SPMAP2L: variants seen among roughly 807,000 people sequenced by gnomAD.
SPMAP2L encodes the protein sperm microtubule associated protein 2 like.
chr4:56,572,273 T>G, the SPMAP2L span, among the ~76,000 whole-genome samples: 2 of 152,160 alleles, frequency 1.3e-5, no homozygotes, highest in African/African-American at 4.8e-5. Flanking sequence ...AACATATGAG[T>G]AATGCAGTGT....
At chr4:56,573,414 T>C in the SPMAP2L span, among the ~76,000 whole-genome samples, 1 of 152,282 alleles carries the variant, frequency 6.6e-6, no homozygotes, top group South Asian at 2.1e-4. Context: ...GAATGTTGAG[T>C]AGCAGTTGTC....
the SPMAP2L span, among the ~76,000 whole-genome samples, chr4:56,532,754 A>G: frequency 0.082 from 12,537 of 152,202 alleles, 642 homozygotes; most frequent in East Asian, 0.26. Context: ...CACTCCTATC[A>G]TCATGCATGG....
the SPMAP2L span, chr4:56,594,311 A>G: frequency 1.3e-6 from 2 of 1,530,750 alleles, no homozygotes; most frequent in Non-Finnish European, 1.8e-6. Context: ...TGTTCACAGC[A>G]TGATTCCACT....
chr4:56,579,787 A>C, the SPMAP2L span, among the ~76,000 whole-genome samples: 4 of 152,218 alleles, frequency 2.6e-5, no homozygotes, highest in Non-Finnish European at 5.9e-5. Flanking sequence ...TCAGAAAATC[A>C]AATAAAATGA....
the SPMAP2L span, among the ~76,000 whole-genome samples, chr4:56,592,581 G>C: frequency 6.6e-6 from 1 of 152,204 alleles, no homozygotes; most frequent in South Asian, 2.1e-4. Flanking sequence ...GCCGCCACCC[G>C]GGGGACCGAG....
the SPMAP2L span, chr4:56,603,237 C>T: frequency 6.5e-7 from 1 of 1,534,520 alleles, no homozygotes; most frequent in Non-Finnish European, 8.7e-7. Context: ...GTATTATGAT[C>T]CAGATGTCTT....
the SPMAP2L span, chr4:56,584,555 A>C: frequency 6.5e-5 from 100 of 1,535,294 alleles, no homozygotes; most frequent in Non-Finnish European, 8.5e-5. Context: ...TTCTCCCCGG[A>C]TATTACAACT....
chr4:56,559,310 A>G, the SPMAP2L span: 1 of 1,108,784 alleles, frequency 9.0e-7, no homozygotes, highest in Non-Finnish European at 1.1e-6. Context: ...TCTCAAAAAA[A>G]AAAAAAAAAA....
chr4:56,608,010 A>AAG, the SPMAP2L span, among the ~76,000 whole-genome samples: 1 of 151,256 alleles, frequency 6.6e-6, no homozygotes, highest in Admixed American at 6.6e-5. Flanking sequence ...AAAAAAAAAA[A>AAG]AAAGAAAGAA....
At chr4:56,543,971 TGTGAGA>T in the SPMAP2L span, among the ~76,000 whole-genome samples, 4 of 91,816 alleles carry the variant, frequency 4.4e-5, no homozygotes, top group African/African-American at 2.0e-4. Flanking sequence ...TGTGTGTGTA[TGTGAGA>T]GAGAGAGAGA....
chr4:56,566,834 T>A, the SPMAP2L span, among the ~76,000 whole-genome samples: 3 of 151,466 alleles, frequency 2.0e-5, no homozygotes, highest in Non-Finnish European at 4.4e-5. Context: ...GTAGCTGGGA[T>A]TACAGGCATG....
chr4:56,589,675 T>A, the SPMAP2L span, among the ~76,000 whole-genome samples: 1 of 151,728 alleles, frequency 6.6e-6, no homozygotes, highest in Non-Finnish European at 1.5e-5. Context: ...ATTCCTAAGG[T>A]TTTTTTTGTT....
chr4:56,606,977 C>A, the SPMAP2L span, among the ~76,000 whole-genome samples: 18 of 151,852 alleles, frequency 1.2e-4, no homozygotes, highest in Admixed American at 5.9e-4. Context: ...GGCTCAAGAG[C>A]GATTTGAGAA....
the SPMAP2L span, among the ~76,000 whole-genome samples, chr4:56,548,237 G>GTT: frequency 4.0e-4 from 60 of 151,566 alleles, no homozygotes; most frequent in Non-Finnish European, 5.7e-4. Context: ...TTCTCTTTCT[G>GTT]TTTTTTTTAC....
At chr4:56,616,328 C>A in the SPMAP2L span, among the ~76,000 whole-genome samples, 1 of 152,176 alleles carries the variant, frequency 6.6e-6, no homozygotes, top group African/African-American at 2.4e-5. Context: ...CATCTAATGA[C>A]CTCATTTTAA....
At chr4:56,614,424 C>A in the SPMAP2L span, among the ~76,000 whole-genome samples, 1 of 151,966 alleles carries the variant, frequency 6.6e-6, no homozygotes, top group African/African-American at 2.4e-5. Context: ...AGAGGCCAAG[C>A]CGGGTGGATC....
the SPMAP2L span, among the ~76,000 whole-genome samples, chr4:56,547,173 G>T: frequency 1.3e-5 from 2 of 151,718 alleles, no homozygotes; most frequent in Admixed American, 6.6e-5. Flanking sequence ...TCTACCATAT[G>T]CAAGATGCTA....
chr4:56,546,415 G>A, the SPMAP2L span, among the ~76,000 whole-genome samples: 1 of 152,152 alleles, frequency 6.6e-6, no homozygotes, highest in African/African-American at 2.4e-5. Flanking sequence ...AAAAAATGCT[G>A]ATGCCTGTGT....
At chr4:56,546,590 T>C in the SPMAP2L span, among the ~76,000 whole-genome samples, 33 of 152,224 alleles carry the variant, frequency 2.2e-4, no homozygotes, top group Non-Finnish European at 3.2e-4. Context: ...AGCTATTTCA[T>C]CCTGCCAATT....
Sources: gnomAD v4.1 joint callset for allele counts (sites outside exome capture counted in the v4.1 genomes callset) on GRCh38, gnomAD v4.1.1 for gene constraint, MANE v1.5 for transcripts, NCBI Gene and HGNC (gene_info 2026-07-23, HGNC 2026-07-21) for gene names.